Variants in SHISAL2A observed in about 807,000 individuals in gnomAD.
The protein encoded by SHISAL2A is protein shisa-like-2A.
Under a neutral mutation model 11.5 loss-of-function variants are expected in SHISAL2A, and 18 were observed. That is an observed-to-expected ratio of 1.57 (90% CI 1.08 to 2.33). The LOEUF (loss-of-function observed/expected upper bound fraction) is 2.33. Among genes scored for constraint, SHISAL2A ranks in the 30% most tolerant of loss-of-function variants. The pLI, the probability that SHISAL2A is intolerant of heterozygous loss-of-function variation, is 0.00. For synonymous variants in SHISAL2A, 94 were observed against 99.6 expected, an observed-to-expected ratio of 0.94 and a Z score of 0.34; for missense variants, 261 against 250.9, an observed-to-expected ratio of 1.04 and a Z score of -0.27.
At chr1:52,637,783 C>T (rs1482377521) in intron 1 of SHISAL2A, among the ~76,000 whole-genome samples, 1 of 152,196 alleles carries the variant, frequency 6.6e-6, no homozygotes, top group Non-Finnish European at 1.5e-5. Flanking sequence ...GAACTTAGAA[C>T]TACCTGACTC....
chr1:52,643,024 G>A, intron 2 of SHISAL2A, 22 bp downstream of exon 2: 8 of 1,613,312 alleles, frequency 5.0e-6, no homozygotes, highest in Non-Finnish European at 5.9e-6. Context: ...GCCAGGTGAT[G>A]TCCTTGTATT....
intron 1 of SHISAL2A, among the ~76,000 whole-genome samples, chr1:52,641,654 G>A (rs1691367169): frequency 6.6e-6 from 1 of 152,186 alleles, no homozygotes; most frequent in Non-Finnish European, 1.5e-5. Flanking sequence ...AGTTACCTGA[G>A]GCTTGCCTGG....
At chr1:52,653,971 G>A (rs1437852685) in intron 2 of SHISAL2A, among the ~76,000 whole-genome samples, 5 of 152,158 alleles carry the variant, frequency 3.3e-5, no homozygotes, top group African/African-American at 7.2e-5. Context: ...GTAGCACAAC[G>A]TTTAATACCA....
At chr1:52,657,174 C>A, downstream of SHISAL2A, 1 of 1,224,690 alleles carries the variant, frequency 8.2e-7, no homozygotes, top group Non-Finnish European at 1.1e-6. Context: ...CTGCTGTGGA[C>A]CCTGCCATAC....
chr1:52,637,449 G>C (rs1691261912), intron 1 of SHISAL2A, among the ~76,000 whole-genome samples: 1 of 152,218 alleles, frequency 6.6e-6, no homozygotes, highest in Non-Finnish European at 1.5e-5. Flanking sequence ...TTTCCTGGGA[G>C]AGACAGTGCT....
chr1:52,654,302 T>C (rs1440030851), intron 2 of SHISAL2A, among the ~76,000 whole-genome samples: 4 of 152,086 alleles, frequency 2.6e-5, no homozygotes, highest in Non-Finnish European at 5.9e-5. Context: ...CTCAAATTTA[T>C]ATATAGAGAG....
In SHISAL2A at chr1:52,666,583, C is replaced by CGCGT. The variant is rs1553253597; in HGVS notation, n.696-815_696-814insCGTG. On this transcript the variant is annotated intron_variant and non_coding_transcript_variant, in intron 4 of 5. Transcript: ENST00000401050. Reference sequence around the variant, plus strand: ...GAACTTTTGTTTCTGTGCACACGCGCGTGTGTGTGTGTGTGTGTCTATAGT... The same window carrying CGCGT: ...GAACTTTTGTTTCTGTGCACACGCGCGCGTGTGTGTGTGTGTGTGTGTCTATAGT... Among the ~76,000 whole-genome samples the CGCGT allele has an allele frequency of 7.7e-3, 1,165 of 150,466 alleles. 14 individuals carry two copies. The highest frequency in any genetic ancestry group is 0.026 in the African/African-American group (1,056 of 41,034).
At chr1:52,643,517 T>C (rs1691419720) in intron 2 of SHISAL2A, among the ~76,000 whole-genome samples, 1 of 152,158 alleles carries the variant, frequency 6.6e-6, no homozygotes, top group South Asian at 2.1e-4. Flanking sequence ...CACAAGCCTT[T>C]TTTGCACACA....
At chr1:52,648,433 A>G (rs1030454887) in intron 2 of SHISAL2A, among the ~76,000 whole-genome samples, 2 of 152,118 alleles carry the variant, frequency 1.3e-5, no homozygotes, top group Non-Finnish European at 2.9e-5. Context: ...AGATCATGCT[A>G]TTACTTTCAT....
intron 2 of SHISAL2A, among the ~76,000 whole-genome samples, chr1:52,656,543 A>G (rs1691793864): frequency 1.3e-5 from 2 of 152,224 alleles, no homozygotes. Flanking sequence ...GTGAAGGTCA[A>G]GTCTTCATAG....
downstream of SHISAL2A, among the ~76,000 whole-genome samples, chr1:52,661,413 TC>T (rs1691905038): frequency 2.0e-5 from 3 of 152,168 alleles, no homozygotes; most frequent in African/African-American, 7.2e-5. Context: ...ACATCTGTCC[TC>T]CGGTCAGGGG....
Position 52,633,785 on chromosome 1 carries a change from A to G in SHISAL2A, c.182+110A>G. ...CACCTGAACATCAGCAGCAAGCTCT[A>G]GTCCTTACCGTCCTCATGCCCACAG... On this transcript the variant is annotated intron_variant, in intron 1 of 2. Coordinates refer to ENST00000517870, the MANE Select transcript of SHISAL2A (RefSeq NM_001042693.3). This position sits in a 1 kb window ranked among gnomAD's most constrained non-coding sequence, Gnocchi z 6.4. The G allele has an allele frequency of 2.3e-6, 2 of 864,416 alleles. No individual in the cohort carries two copies. The highest frequency in any genetic ancestry group is 3.0e-5 in the South Asian group (2 of 65,770). 53.5% of individuals were successfully genotyped at this position (864,416 alleles called of 1,614,324 possible).
intron 1 of SHISAL2A, among the ~76,000 whole-genome samples, chr1:52,642,388 C>T (rs1691385558): frequency 6.6e-6 from 1 of 150,946 alleles, no homozygotes; most frequent in South Asian, 2.1e-4. Context: ...CAAGTAGGGA[C>T]AAAACAAAAG....
Position 52,642,989 on chromosome 1 carries a change from C to T in SHISAL2A, c.309C>T (p.Ser103=). The stretch of plus-strand genomic sequence containing the variant: ...ACACAAAGTTGGACCTGGGCTTGAG[C>T]TTACAGACAGCAGGTAAGGAAGTTG... The part of the protein sequence containing the change: ...KPHTKLDLGL[S]LQTAGPEEVS... Residue 103 remains serine, a synonymous_variant, in exon 2 of 3, where the codon AGC becomes AGT. Transcript: ENST00000517870. 1 of 1,614,108 alleles carries T rather than the reference C, an allele frequency of 6.2e-7. No homozygotes were observed. Among genetic ancestry groups the T allele is most frequent in the Non-Finnish European group, 8.5e-7 (1 of 1,180,010 alleles).
intron 2 of SHISAL2A, among the ~76,000 whole-genome samples, chr1:52,651,533 G>A (rs367611704): frequency 4.0e-5 from 6 of 151,748 alleles, no homozygotes; most frequent in Admixed American, 6.6e-5. Context: ...CACTGTGCCC[G>A]GCCCAACAAT....
intron 1 of SHISAL2A, among the ~76,000 whole-genome samples, chr1:52,636,937 C>T (rs1054143071): frequency 6.6e-6 from 1 of 152,216 alleles, no homozygotes; most frequent in Non-Finnish European, 1.5e-5. Flanking sequence ...ACTGTGCTGG[C>T]CCCTGGGGAC....
intron 2 of SHISAL2A, among the ~76,000 whole-genome samples, chr1:52,649,263 C>T (rs1291978565): frequency 1.3e-5 from 2 of 152,144 alleles, no homozygotes; most frequent in Non-Finnish European, 2.9e-5. Flanking sequence ...TTCAATAGGA[C>T]ATGGAGAGAG....
At position 52,640,445 on chromosome 1, in the gene SHISAL2A, A is replaced by G. The variant is rs570650941; in HGVS notation, c.183-2418A>G. On this transcript the variant is annotated intron_variant, in intron 1 of 2. Coordinates refer to ENST00000517870, the MANE Select transcript of SHISAL2A (RefSeq NM_001042693.3). ...AACTGCCTACCACATGCCAGGGCCT[A>G]GACAATGGGAGGATAAGGCTGATTA... 6.8e-4 allele frequency among the ~76,000 whole-genome samples: 104 copies of G among 152,276 alleles called. 5 individuals are homozygous for G. The South Asian group carries it at 0.02, about 30-fold the overall frequency.
chr1:52,662,644 C>T (rs1054987860), intron 4 of SHISAL2A, among the ~76,000 whole-genome samples: 1 of 151,910 alleles, frequency 6.6e-6, no homozygotes, highest in South Asian at 2.1e-4. Flanking sequence ...AGGTACCGCC[C>T]CCCCACCCTT....
Sources: allele counts gnomAD v4.1 joint callset (sites outside exome capture counted in the v4.1 genomes callset), GRCh38; gene constraint gnomAD v4.1.1; non-coding constraint Gnocchi (gnomAD v3.1); transcripts MANE v1.5; gene names NCBI Gene and HGNC (gene_info 2026-07-23, HGNC 2026-07-21).